Variants in UBE2K observed in about 807,000 individuals in gnomAD.
UBE2K encodes the protein ubiquitin conjugating enzyme E2 K.
UBE2K carries 6 observed loss-of-function variants against 30.0 expected under a neutral mutation model. The observed-to-expected ratio is 0.20, with a 90% CI of 0.11 to 0.39. UBE2K has a LOEUF of 0.39. Among genes scored for constraint, UBE2K ranks in the 10% least tolerant of loss-of-function variants. UBE2K has a pLI of 1.00. For synonymous variants in UBE2K, 86 were observed against 83.7 expected (o/e 1.03, Z -0.15); for missense variants, 61 against 241.6 (o/e 0.25, Z 4.96).
At chr4:39,715,855 A>AT (rs1719031788) in intron 1 of UBE2K, among the ~76,000 whole-genome samples, 1 of 92,746 alleles carries the variant, frequency 1.1e-5, no homozygotes, top group Non-Finnish European at 2.2e-5. Context: ...TTTTTTATTT[A>AT]TTTTTTTAAA....
In UBE2K at chr4:39,734,212, T is replaced by G. The variant is rs79675699; in HGVS notation, c.64-3208T>G. Among the ~76,000 whole-genome samples, 799 of 151,732 alleles carry G rather than the reference T, an allele frequency of 5.3e-3. 10 individuals are homozygous for G. The highest frequency in any genetic ancestry group is 0.018 in the African/African-American group (739 of 41,318). On this transcript the variant is annotated intron_variant, in intron 1 of 6. Transcript: ENST00000261427. ...CCTCCACACCCTGGATTCAAACGAT[T>G]CTCGTGCCTCAACCTCCCAAGTAGC... is the stretch of plus-strand genomic sequence containing the variant.
chr4:39,744,963 T>C (rs1578468518), intron 2 of UBE2K, among the ~76,000 whole-genome samples: 1 of 142,186 alleles, frequency 7.0e-6, no homozygotes, highest in Admixed American at 6.7e-5. Context: ...AATGAAGGAA[T>C]AGTTTGTCTT....
intron 3 of UBE2K, among the ~76,000 whole-genome samples, chr4:39,751,249 CAAAATTAT>C (rs1721237607): frequency 6.6e-6 from 1 of 152,012 alleles, no homozygotes; most frequent in Admixed American, 6.6e-5. Flanking sequence ...AGCCCAAATT[CAAAATTAT>C]TTATTTCTAA....
At chr4:39,747,726 A>G (rs760467622) in intron 3 of UBE2K, among the ~76,000 whole-genome samples, 2 of 150,818 alleles carry the variant, frequency 1.3e-5, no homozygotes, top group Non-Finnish European at 1.5e-5. Flanking sequence ...ACGCCATTCT[A>G]CTGCCTCAGC....
chr4:39,731,846 CAAT>C (rs1216215014), intron 1 of UBE2K, among the ~76,000 whole-genome samples: 1 of 152,064 alleles, frequency 6.6e-6, no homozygotes, highest in Non-Finnish European at 1.5e-5. Context: ...ATATGCATGA[CAAT>C]GATGAGCAGG....
chr4:39,745,059 C>T (rs1720918948), intron 2 of UBE2K, among the ~76,000 whole-genome samples: 1 of 151,866 alleles, frequency 6.6e-6, no homozygotes, highest in African/African-American at 2.4e-5. Context: ...CAAGGACTTG[C>T]TATATTGAGC....
intron 4 of UBE2K, among the ~76,000 whole-genome samples, chr4:39,766,350 T>G (rs541095625): frequency 6.6e-6 from 1 of 152,186 alleles, no homozygotes; most frequent in Admixed American, 6.5e-5. Flanking sequence ...GATAGGTCAT[T>G]GTGGTTCCAA....
intron 3 of UBE2K, among the ~76,000 whole-genome samples, chr4:39,747,079 A>T (rs752035657): frequency 2.0e-5 from 3 of 152,214 alleles, no homozygotes; most frequent in Non-Finnish European, 4.4e-5. Flanking sequence ...AAGAATAGAT[A>T]TGATAATGGA....
chr4:39,745,833 C>A, intron 3 of UBE2K, 23 bp downstream of exon 3: 1 of 1,527,130 alleles, frequency 6.5e-7, no homozygotes, highest in East Asian at 2.3e-5. Context: ...TATTTTTGTG[C>A]ATGAAGTTAC....
chr4:39,764,502 T>A (rs2109392274), intron 4 of UBE2K, among the ~76,000 whole-genome samples: 1 of 151,740 alleles, frequency 6.6e-6, no homozygotes, highest in Middle Eastern at 3.4e-3. Context: ...TGGAGTGCAG[T>A]GACAACGATC....
At position 39,777,656 on chromosome 4, in the gene UBE2K, G is replaced by A. The variant is rs761683877; in HGVS notation, c.400-26G>A. 3 of 1,523,790 alleles carry A rather than the reference G, an allele frequency of 2.0e-6. No homozygotes were observed. In the South Asian group the frequency reaches 4.0e-5, roughly 20 times the overall value. The allele number at this position is 1,523,790 out of a possible 1,614,324, so 94.4% of individuals were successfully genotyped here. On this transcript the variant is annotated intron_variant, in intron 5 of 6. Transcript: ENST00000261427. ...TCAAATATTATAACTGTAATGTCAT[G>A]TCAATCAATTTTTCCCCCCATATAG...
intron 1 of UBE2K, among the ~76,000 whole-genome samples, chr4:39,706,157 G>A (rs976892510): frequency 3.3e-5 from 5 of 151,968 alleles, no homozygotes; most frequent in Non-Finnish European, 4.4e-5. Context: ...GACTACAGGC[G>A]TCCACGACCA....
At chr4:39,760,196 A>AAAAAAAAAAAAAAG (rs1711827284) in intron 4 of UBE2K, among the ~76,000 whole-genome samples, 1 of 7,918 alleles carries the variant, frequency 1.3e-4, no homozygotes, top group Non-Finnish European at 2.5e-4. Context: ...AAAAAAACAG[A>AAAAAAAAAAAAAAG]AAAAAAAAAA....
intron 1 of UBE2K, among the ~76,000 whole-genome samples, chr4:39,719,653 T>C (rs2086184436): frequency 6.6e-6 from 1 of 152,228 alleles, no homozygotes; most frequent in Admixed American, 6.5e-5. Context: ...TATGGGTGTC[T>C]TGCTTTTAGG....
At chr4:39,742,893 A>G (rs992139187) in intron 2 of UBE2K, among the ~76,000 whole-genome samples, 1 of 152,142 alleles carries the variant, frequency 6.6e-6, no homozygotes, top group African/African-American at 2.4e-5. Context: ...TAAAAATACA[A>G]AAATTAGCTG....
chr4:39,698,376 C>T lies in UBE2K; in HGVS notation c.49C>T (p.Leu17=). The T allele has an allele frequency of 6.2e-7, 1 of 1,613,004 alleles. No homozygotes were observed. The highest frequency in any genetic ancestry group is 8.5e-7 in the Non-Finnish European group (1 of 1,179,650). ...AATCAAGCGGGAGTTCAAGGAGGTG[C>T]TGAAGAGCGAGGAGGTCAGAAATGA... ...QRIKREFKEV[L]KSEETSKNQI... is the part of the protein sequence containing the mutation. Residue 17 remains leucine (L), a synonymous_variant, in exon 1 of 7, where the codon CTG becomes TTG. Transcript: ENST00000261427.
intron 2 of UBE2K, among the ~76,000 whole-genome samples, chr4:39,744,705 G>A (rs1476885571): frequency 6.6e-6 from 1 of 150,444 alleles, no homozygotes; most frequent in Admixed American, 6.6e-5. Flanking sequence ...AGGAGATCGA[G>A]ACCATCCTGG....
At chr4:39,773,784 G>A (rs1268829801) in intron 4 of UBE2K, among the ~76,000 whole-genome samples, 1 of 152,120 alleles carries the variant, frequency 6.6e-6, no homozygotes, top group East Asian at 2.0e-4. Context: ...AGCCGGGCGT[G>A]GTGGCGGGCG....
chr4:39,732,478 A>G (rs1720125843), intron 1 of UBE2K, among the ~76,000 whole-genome samples: 1 of 152,170 alleles, frequency 6.6e-6, no homozygotes, highest in African/African-American at 2.4e-5. Context: ...AACAATGACA[A>G]TATCATTTCA....
Sources: gnomAD v4.1 joint callset for allele counts (sites outside exome capture counted in the v4.1 genomes callset) on GRCh38, gnomAD v4.1.1 for gene constraint, MANE v1.5 for transcripts, NCBI Gene and HGNC (gene_info 2026-07-23, HGNC 2026-07-21) for gene names.